Variants in KCNMA1 observed in about 807,000 individuals in gnomAD.
KCNMA1 encodes potassium calcium-activated channel subfamily M alpha 1, also known as Calcium-activated potassium channel subunit alpha-1.
A neutral mutation model predicts 140.0 loss-of-function variants in KCNMA1; 29 were observed. That is an observed-to-expected ratio of 0.21 (90% CI 0.15 to 0.28). The LOEUF (loss-of-function observed/expected upper bound fraction) is 0.28. KCNMA1 is among the 10% of genes least tolerant of loss of function. The probability of loss-of-function intolerance (pLI) is 1.00; values close to 1 mark genes in which losing one functional copy is unlikely to be tolerated. For missense variants in KCNMA1, 880 were observed against 1,602.2 expected (o/e 0.55, Z 7.70); for synonymous variants, 612 against 611.9 (o/e 1.00, Z 0.00).
At chr10:76,955,782 T>C (rs1480063307) in intron 20 of KCNMA1, among the ~76,000 whole-genome samples, 5 of 152,144 alleles carry the variant, frequency 3.3e-5, no homozygotes, top group Non-Finnish European at 5.9e-5. Flanking sequence ...TCTATTAATA[T>C]TATCTGGAAT....
chr10:76,944,030 C>T (rs114475273), intron 23 of KCNMA1, among the ~76,000 whole-genome samples: 17 of 152,294 alleles, frequency 1.1e-4, no homozygotes, highest in African/African-American at 2.2e-4. Flanking sequence ...CTAGCCTACA[C>T]GGAGGTGTCA....
chr10:77,331,101 C>T (rs1275881798), intron 2 of KCNMA1, among the ~76,000 whole-genome samples: 2 of 147,720 alleles, frequency 1.4e-5, no homozygotes, highest in African/African-American at 2.5e-5. Flanking sequence ...CTCCCTGCCC[C>T]CCATGTACCT....
chr10:77,159,659 G>T (rs1338148146), intron 5 of KCNMA1, among the ~76,000 whole-genome samples: 2 of 152,002 alleles, frequency 1.3e-5, no homozygotes, highest in African/African-American at 4.8e-5. Flanking sequence ...AGTTTGACCT[G>T]CCTATTCCCC....
chr10:77,071,311 C>T (rs1266858664), intron 14 of KCNMA1: 1 of 152,194 alleles, frequency 6.6e-6, no homozygotes, highest in Non-Finnish European at 1.5e-5. Flanking sequence ...ATACGCATGT[C>T]AAGGGGCCCC....
chr10:77,229,505 G>C (rs1230029064), intron 3 of KCNMA1, among the ~76,000 whole-genome samples: 1 of 152,178 alleles, frequency 6.6e-6, no homozygotes, highest in Non-Finnish European at 1.5e-5. Context: ...CATGTGCCAG[G>C]AGCTTCACTC....
chr10:77,204,458 A>T (rs1212567762), intron 3 of KCNMA1, among the ~76,000 whole-genome samples: 2 of 152,186 alleles, frequency 1.3e-5, no homozygotes, highest in Non-Finnish European at 2.9e-5. Flanking sequence ...AAAACTAAAA[A>T]AAAGTCATTC....
intron 2 of KCNMA1, among the ~76,000 whole-genome samples, chr10:77,393,981 G>A (rs549860596): frequency 6.6e-6 from 1 of 152,198 alleles, no homozygotes; most frequent in African/African-American, 2.4e-5. Context: ...CCTGTGCTAC[G>A]CTCAGTTCTG....
At chr10:77,445,365 G>GAGACACACACAC (rs371623216) in intron 1 of KCNMA1, among the ~76,000 whole-genome samples, 1 of 141,174 alleles carries the variant, frequency 7.1e-6, no homozygotes, top group African/African-American at 2.5e-5. Context: ...CACATACACA[G>GAGACACACACAC]ACACACACAC....
intron 2 of KCNMA1, among the ~76,000 whole-genome samples, chr10:77,288,397 T>C (rs1357629818): frequency 6.6e-6 from 1 of 152,214 alleles, no homozygotes; most frequent in African/African-American, 2.4e-5. Flanking sequence ...CTGTGAGACT[T>C]AGACTGATCA....
intron 2 of KCNMA1, among the ~76,000 whole-genome samples, chr10:77,344,508 A>T (rs2091735280): frequency 6.6e-6 from 1 of 152,214 alleles, no homozygotes; most frequent in African/African-American, 2.4e-5. Context: ...TCCCAGAATC[A>T]ATCTTTATTT....
chr10:77,607,374 G>A (rs2084919905), intron 1 of KCNMA1, among the ~76,000 whole-genome samples: 1 of 152,150 alleles, frequency 6.6e-6, no homozygotes, highest in Non-Finnish European at 1.5e-5. Context: ...ATATGCTGAG[G>A]TGGGCTGAAT....
intron 5 of KCNMA1, among the ~76,000 whole-genome samples, chr10:77,159,564 T>C (rs1564892644): frequency 6.6e-6 from 1 of 152,166 alleles, no homozygotes; most frequent in Non-Finnish European, 1.5e-5. Flanking sequence ...CCTTACCTTC[T>C]TCTCCACTTC....
At chr10:77,414,740 T>G (rs935777998) in intron 1 of KCNMA1, among the ~76,000 whole-genome samples, 5 of 152,098 alleles carry the variant, frequency 3.3e-5, no homozygotes, top group Non-Finnish European at 7.4e-5. Flanking sequence ...TCTGCCCGCC[T>G]CAGCCTCCCA....
At chr10:77,012,074 T>A in intron 17 of KCNMA1, 31 bp from the exon 18 acceptor site, 1 of 1,612,948 alleles carries the variant, frequency 6.2e-7, no homozygotes, top group Non-Finnish European at 8.5e-7. Context: ...AACTGACACG[T>A]TTCATAATCC....
intron 1 of KCNMA1, among the ~76,000 whole-genome samples, chr10:77,541,919 G>A (rs1214891022): frequency 2.0e-5 from 3 of 152,194 alleles, no homozygotes; most frequent in Admixed American, 6.5e-5. Context: ...GGGCAAGTTT[G>A]CTAAAACATG....
chr10:77,235,302 G>A (rs991633999), intron 3 of KCNMA1, among the ~76,000 whole-genome samples: 1 of 152,172 alleles, frequency 6.6e-6, no homozygotes, highest in Non-Finnish European at 1.5e-5. Flanking sequence ...ACATGCTTTT[G>A]ATCCCCAGCT....
At chr10:77,040,107 C>T (rs994859045) in intron 14 of KCNMA1, among the ~76,000 whole-genome samples, 4 of 151,300 alleles carry the variant, frequency 2.6e-5, no homozygotes, top group Admixed American at 1.3e-4. Context: ...CTTGAACTCC[C>T]GGCCTCAAGT....
At chr10:76,884,400 TA>T (rs1362431433), downstream of KCNMA1, 1 of 151,978 alleles carries the variant, frequency 6.6e-6, no homozygotes, top group Non-Finnish European at 1.5e-5. Context: ...CCAAATGGAA[TA>T]GCTGTAAATG....
chr10:77,105,178 T>C (rs2097176083), intron 9 of KCNMA1, among the ~76,000 whole-genome samples: 2 of 152,182 alleles, frequency 1.3e-5, no homozygotes, highest in Admixed American at 6.5e-5. Context: ...CCATACCTAC[T>C]GCAGGGACTG....
Sources: gnomAD v4.1 joint callset for allele counts (sites outside exome capture counted in the v4.1 genomes callset) on GRCh38, gnomAD v4.1.1 for gene constraint, MANE v1.5 for transcripts, NCBI Gene and HGNC (gene_info 2026-07-23, HGNC 2026-07-21) for gene names.